The following AQP8 variants were observed in gnomAD, a reference collection of about 807,000 sequenced individuals.
AQP8 encodes the protein aquaporin 8.
A neutral mutation model predicts 26.1 loss-of-function variants in AQP8; 14 were observed. That is an observed-to-expected ratio of 0.54 (90% CI 0.35 to 0.84). AQP8 has a LOEUF of 0.84. Ranked by LOEUF, AQP8 falls within the 40% of genes least tolerant of loss-of-function variation. The pLI is 0.01. For synonymous variants in AQP8, 131 were observed against 150.7 expected (o/e 0.87, Z 0.96); for missense variants, 301 against 340.5 (o/e 0.88, Z 0.91).
Position 25,227,068 on chromosome 16 carries a change from G to A in AQP8, c.603G>A (p.Gly201=). ...GACCTTGGTGCCTGGGTGTTTGCAGGGGCCCTGTGTCTGGAGGCTGCATGA... is the reference window on the plus strand; with the variant it reads ...GACCTTGGTGCCTGGGTGTTTGCAGAGGCCCTGTGTCTGGAGGCTGCATGA... The part of the protein sequence containing the change: ...GFAVTVDILA[G]GPVSGGCMNP... Residue 201 remains glycine (G), a splice_region_variant and synonymous_variant, in exon 5 of 6, where the codon GGG becomes GGA. Transcript: ENST00000219660. 6.2e-7 allele frequency: 1 copy of A among 1,613,940 alleles called. No individual in the cohort carries two copies. Among genetic ancestry groups the A allele is most frequent in the African/African-American group, 1.3e-5 (1 of 75,006 alleles).
At chr16:25,221,855 C>T (rs529920613) in intron 3 of AQP8, among the ~76,000 whole-genome samples, 7 of 152,270 alleles carry the variant, frequency 4.6e-5, no homozygotes, top group African/African-American at 1.4e-4. Flanking sequence ...GCAACCTCTG[C>T]CTCCTGGGCT....
In AQP8 at chr16:25,217,021, C is replaced by G; in HGVS notation, c.-25C>G. 6.2e-7 allele frequency: 1 copy of G among 1,613,938 alleles called. No homozygotes were observed. The stretch of plus-strand genomic sequence containing the variant: ...GTTTCCCAGCAGCTCAGGCAAGAGT[C>G]CGATGTTTGTGCCATCTGATCCTGA... On this transcript the variant is annotated 5_prime_UTR_variant, in exon 1 of 6. Coordinates refer to ENST00000219660, the MANE Select transcript of AQP8 (RefSeq NM_001169.3).
intron 3 of AQP8, among the ~76,000 whole-genome samples, chr16:25,221,913 G>A (rs1347619330): frequency 5.3e-5 from 8 of 151,904 alleles, no homozygotes; most frequent in South Asian, 4.2e-4. Context: ...GATTACAGGC[G>A]CATGCCACCA....
At chr16:25,225,542 G>A (rs1962619671) in intron 4 of AQP8, among the ~76,000 whole-genome samples, 1 of 151,888 alleles carries the variant, frequency 6.6e-6, no homozygotes, top group African/African-American at 2.4e-5. Flanking sequence ...GAGTATCTGG[G>A]ACTACAGGCG....
Position 25,221,363 on chromosome 16 carries a change from C to G in AQP8, c.261-94C>G, listed in dbSNP as rs771603082. On this transcript the variant is annotated intron_variant, in intron 2 of 5. Transcript: ENST00000219660. ...CCGGACTGACTCTTGCCCTGAGAGG[C>G]CAGCCTGGTGGGTTGGCTGGGACAC... 4.7e-4 allele frequency: 720 copies of G among 1,516,896 alleles called. 1 individual carries two copies. Among genetic ancestry groups the G allele is most frequent in the Non-Finnish European group, 6.1e-4 (673 of 1,110,784 alleles). 94.0% of individuals were successfully genotyped at this position (1,516,896 alleles called of 1,614,324 possible).
intron 3 of AQP8, among the ~76,000 whole-genome samples, chr16:25,222,504 G>A (rs1164722786): frequency 6.6e-6 from 1 of 152,130 alleles, no homozygotes; most frequent in Non-Finnish European, 1.5e-5. Flanking sequence ...ACCGAGCCTG[G>A]CCAGCCACAG....
At chr16:25,217,892 T>C (rs1962509984) in intron 2 of AQP8, among the ~76,000 whole-genome samples, 1 of 151,974 alleles carries the variant, frequency 6.6e-6, no homozygotes, top group South Asian at 2.1e-4. Context: ...TTTTAAATGT[T>C]TTTTTTTTCA....
At chr16:25,221,027 C>T (rs929146029) in intron 2 of AQP8, among the ~76,000 whole-genome samples, 1 of 152,046 alleles carries the variant, frequency 6.6e-6, no homozygotes, top group Non-Finnish European at 1.5e-5. Flanking sequence ...CTGCAGCCCG[C>T]GCGACAGAGC....
intron 2 of AQP8, among the ~76,000 whole-genome samples, chr16:25,220,100 T>C (rs1483405688): frequency 6.6e-6 from 1 of 151,776 alleles, no homozygotes; most frequent in African/African-American, 2.4e-5. Flanking sequence ...TCTGAGGGCC[T>C]GGGCCCAGAG....
chr16:25,220,768 G>A (rs565563744), intron 2 of AQP8, among the ~76,000 whole-genome samples: 1 of 152,214 alleles, frequency 6.6e-6, no homozygotes, highest in East Asian at 1.9e-4. Context: ...AGGGAGACCC[G>A]GGCCGGGCAC....
At position 25,224,433 on chromosome 16, in the gene AQP8, G is replaced by C; in HGVS notation, c.459G>C (p.Gln153His). 6.2e-7 allele frequency: 1 copy of C among 1,614,212 alleles called. No homozygotes were observed. Among genetic ancestry groups the C allele is most frequent in the Non-Finnish European group, 8.5e-7 (1 of 1,180,044 alleles). Residue 153 changes from glutamine to histidine, a missense_variant, in exon 4 of 6, where the codon CAG becomes CAC. Gln to His is a conservative substitution (Grantham distance 24). Transcript: ENST00000219660. ...AAFVTVQEQGQVAGALVAEII... is the reference protein window; with the variant it reads ...AAFVTVQEQGHVAGALVAEII... ...TTGTGACAGTCCAGGAGCAGGGGCA[G>C]GTGGCAGGGGCGTTGGTGGCAGAGA...
intron 4 of AQP8, among the ~76,000 whole-genome samples, chr16:25,225,531 C>T (rs972986409): frequency 4.6e-5 from 7 of 151,410 alleles, no homozygotes; most frequent in South Asian, 2.1e-4. Context: ...CTCAGCCTCA[C>T]GAGTATCTGG....
chr16:25,222,270 T>G (rs1218419674), intron 3 of AQP8, among the ~76,000 whole-genome samples: 1 of 152,218 alleles, frequency 6.6e-6, no homozygotes, highest in African/African-American at 2.4e-5. Context: ...CTTTGTTCAC[T>G]TGTTTATCTG....
chr16:25,222,974 G>A (rs559042269), intron 3 of AQP8, among the ~76,000 whole-genome samples: 1 of 152,334 alleles, frequency 6.6e-6, no homozygotes, highest in Non-Finnish European at 1.5e-5. Context: ...GGTTCCCTAA[G>A]CACATTCTTC....
In AQP8 at chr16:25,224,428, G is replaced by C; in HGVS notation, c.454G>C (p.Gly152Arg). ...GGCCTTTGTGACAGTCCAGGAGCAG[G>C]GGCAGGTGGCAGGGGCGTTGGTGGC... ...GAAFVTVQEQ[G>R]QVAGALVAEI... Residue 152 changes from glycine to arginine, a missense_variant, in exon 4 of 6, where the codon GGG becomes CGG. Physicochemically the swap from Gly to Arg is moderately radical, Grantham distance 125. Coordinates refer to ENST00000219660, the MANE Select transcript of AQP8 (RefSeq NM_001169.3). 5 of 1,614,184 alleles carry C rather than the reference G, an allele frequency of 3.1e-6. No homozygotes were observed. The highest frequency in any genetic ancestry group is 4.2e-6 in the Non-Finnish European group (5 of 1,180,034).
At chr16:25,221,659 T>C in intron 3 of AQP8, 76 bp downstream of exon 3, 1 of 1,548,218 alleles carries the variant, frequency 6.5e-7, no homozygotes, top group Non-Finnish European at 8.8e-7. Flanking sequence ...GGTGTGTGTG[T>C]GGGACAGTGG....
chr16:25,223,631 C>T (rs1467890150), intron 3 of AQP8, among the ~76,000 whole-genome samples: 1 of 152,064 alleles, frequency 6.6e-6, no homozygotes, highest in Non-Finnish European at 1.5e-5. Context: ...AACACTGGAG[C>T]CCAGGAGGTC....
At chr16:25,221,240 G>C (rs1169211188) in intron 2 of AQP8, among the ~76,000 whole-genome samples, 1 of 152,156 alleles carries the variant, frequency 6.6e-6, no homozygotes, top group East Asian at 1.9e-4. Context: ...TGGGGGCTGG[G>C]CTTTGGACTT....
chr16:25,219,753 GA>G (rs1163498166), intron 2 of AQP8, among the ~76,000 whole-genome samples: 1 of 151,312 alleles, frequency 6.6e-6, no homozygotes, highest in Non-Finnish European at 1.5e-5. Flanking sequence ...ACCATGCATG[GA>G]GGTCAGGCGC....
Sources: allele counts gnomAD v4.1 joint callset (sites outside exome capture counted in the v4.1 genomes callset), GRCh38; gene constraint gnomAD v4.1.1; transcripts MANE v1.5; gene names NCBI Gene and HGNC (gene_info 2026-07-23, HGNC 2026-07-21).